LRFN2: variants seen among roughly 807,000 people sequenced by gnomAD.
LRFN2 encodes the protein leucine rich repeat and fibronectin type III domain containing 2.
In LRFN2, 18 loss-of-function variants were observed where a neutral mutation model predicts 37.3. The observed-to-expected ratio is 0.48, with a 90% CI of 0.33 to 0.72. LRFN2 has a LOEUF of 0.72. Ranked by LOEUF, LRFN2 falls within the 30% of genes least tolerant of loss-of-function variation. The pLI is 0.02. For synonymous variants in LRFN2, 556 were observed against 466.6 expected (o/e 1.19, Z -2.47); for missense variants, 1,006 against 1,060.7 (o/e 0.95, Z 0.72).
chr6:40,556,752 C>CAT (rs57030480), intron 1 of LRFN2, among the ~76,000 whole-genome samples: 1 of 110,636 alleles, frequency 9.0e-6, no homozygotes, highest in African/African-American at 3.6e-5. Context: ...CACACACACA[C>CAT]GCACACACTC....
chr6:40,417,916 T>C (rs1239773411), intron 2 of LRFN2, among the ~76,000 whole-genome samples: 1 of 152,174 alleles, frequency 6.6e-6, no homozygotes, highest in Non-Finnish European at 1.5e-5. Flanking sequence ...AACCATCCCG[T>C]AACTGGTCTC....
At chr6:40,528,178 T>C (rs1766288871) in intron 1 of LRFN2, among the ~76,000 whole-genome samples, 1 of 152,256 alleles carries the variant, frequency 6.6e-6, no homozygotes, top group Admixed American at 6.5e-5. Flanking sequence ...TTTTCTGTTG[T>C]CAACCTTTGA....
chr6:40,424,092 C>T (rs1454684748), intron 2 of LRFN2, among the ~76,000 whole-genome samples: 1 of 152,208 alleles, frequency 6.6e-6, no homozygotes, highest in Admixed American at 6.5e-5. Flanking sequence ...CCTCTAGCAA[C>T]TTTGTCACTT....
intron 1 of LRFN2, among the ~76,000 whole-genome samples, chr6:40,435,048 TATATAG>T (rs1446582616): frequency 2.4e-3 from 170 of 71,094 alleles, no homozygotes; most frequent in Middle Eastern, 7.5e-3. Flanking sequence ...TATATATATA[TATATAG>T]AGAGAGAGAG....
chr6:40,550,339 G>A (rs1766748521), intron 1 of LRFN2, among the ~76,000 whole-genome samples: 1 of 151,936 alleles, frequency 6.6e-6, no homozygotes, highest in Non-Finnish European at 1.5e-5. Context: ...TATTGACTGG[G>A]AAGTGTACGG....
intron 1 of LRFN2, among the ~76,000 whole-genome samples, chr6:40,565,638 G>T (rs1393604822): frequency 6.6e-6 from 1 of 152,086 alleles, no homozygotes; most frequent in South Asian, 2.1e-4. Context: ...ATGGGGAAAG[G>T]ATTCCCTATT....
chr6:40,541,739 G>A (rs1199433626), intron 1 of LRFN2, among the ~76,000 whole-genome samples: 3 of 152,224 alleles, frequency 2.0e-5, no homozygotes, highest in Admixed American at 1.3e-4. Context: ...CCGTGGGAAT[G>A]TTCTCACTTG....
chr6:40,392,044 G>C lies in LRFN2; in HGVS notation c.2269C>G (p.Leu757Val). 6.2e-7 allele frequency: 1 copy of C among 1,614,028 alleles called. No homozygotes were observed. The highest frequency in any genetic ancestry group is 8.5e-7 in the Non-Finnish European group (1 of 1,179,988). The change falls in exon 3 of 3, where the codon CTC becomes GTC. Residue 757 changes from leucine (L) to valine (V), a missense_variant. By Grantham distance (32) the Leu-to-Val change is conservative (BLOSUM62 1). Around this residue, in one of 4 missense-constraint regions of LRFN2, gnomAD observed 398 missense variants for 327.6 expected, o/e 1.21. Coordinates refer to ENST00000338305, the MANE Select transcript of LRFN2 (RefSeq NM_020737.3). The surrounding 1 kb of genome is among the most constrained non-coding windows in gnomAD (Gnocchi z 4.7). ...KVSNIWTKRS[L>V]SVNGMLLPFE... ...GGCAAGAGCATGCCGTTGACAGAGA[G>C]GCTGCGCTTCGTCCAGATGTTCGAG...
intron 1 of LRFN2, among the ~76,000 whole-genome samples, chr6:40,453,043 T>G (rs2113844177): frequency 6.6e-6 from 1 of 152,230 alleles, no homozygotes; most frequent in South Asian, 2.1e-4. Context: ...ATTGACAAAA[T>G]AGGTGACTCT....
intron 2 of LRFN2, among the ~76,000 whole-genome samples, chr6:40,430,939 G>A (rs949697349): frequency 1.3e-5 from 2 of 152,154 alleles, no homozygotes; most frequent in Admixed American, 6.5e-5. Context: ...CCAGGGGAAA[G>A]AGACTCCCTG....
Position 40,511,488 on chromosome 6 carries a change from ACTCT to A in LRFN2, c.-19+75449_-19+75452del, listed in dbSNP as rs142372381. ...AGTAGGGGCAGTGGGAGGGTAAGTA[ACTCT>A]CTCTAAGTCACAAACTGGTAAGCAG... On this transcript the variant is annotated intron_variant, in intron 1 of 2. Coordinates refer to ENST00000338305, the MANE Select transcript of LRFN2 (RefSeq NM_020737.3). Among the ~76,000 whole-genome samples the A allele has an allele frequency of 5.2e-3, 788 of 152,220 alleles. 4 individuals are homozygous for A. The highest frequency in any genetic ancestry group is 0.018 in the African/African-American group (751 of 41,528).
chr6:40,392,546 G>T lies in LRFN2; in HGVS notation c.1767C>A (p.Ser589Arg). The change falls in exon 3 of 3, where the codon AGC becomes AGA. Residue 589 changes from serine to arginine, a missense_variant. Coordinates refer to ENST00000338305, the MANE Select transcript of LRFN2 (RefSeq NM_020737.3). The surrounding 1 kb of genome is among the most constrained non-coding windows in gnomAD (Gnocchi z 4.7). Reference protein sequence around the residue: ...TNGAQPPPPSSAPAGAPPQGP... With the variant: ...TNGAQPPPPSRAPAGAPPQGP... The stretch of plus-strand genomic sequence containing the variant: ...CCTGCGGCGGGGCCCCGGCTGGTGC[G>T]CTGCTTGGAGGCGGTGGCTGGGCGC... The T allele has an allele frequency of 1.3e-6, 2 of 1,586,382 alleles. No homozygotes were observed. The highest frequency in any genetic ancestry group is 2.3e-5 in the East Asian group (1 of 43,182).
chr6:40,471,058 G>C (rs879592372), intron 1 of LRFN2, among the ~76,000 whole-genome samples: 1 of 152,170 alleles, frequency 6.6e-6, no homozygotes, highest in Non-Finnish European at 1.5e-5. Flanking sequence ...ATAGGTGAGG[G>C]GCGTGGGGGG....
At chr6:40,419,702 C>A (rs1763177577) in intron 2 of LRFN2, among the ~76,000 whole-genome samples, 1 of 152,110 alleles carries the variant, frequency 6.6e-6, no homozygotes, top group Non-Finnish European at 1.5e-5. Context: ...ATTGGTTTCA[C>A]CCAAAACAGC....
At chr6:40,486,044 C>T (rs1329443405) in intron 1 of LRFN2, among the ~76,000 whole-genome samples, 2 of 152,232 alleles carry the variant, frequency 1.3e-5, no homozygotes, top group African/African-American at 4.8e-5. Context: ...CCCCTCCCTC[C>T]TGCGGGGCGA....
In LRFN2 at chr6:40,392,205, G is replaced by A. The variant is rs773659615; in HGVS notation, c.2108C>T (p.Ala703Val). 12 of 1,570,344 alleles carry A rather than the reference G, an allele frequency of 7.6e-6. No homozygotes were observed. The highest frequency in any genetic ancestry group is 5.5e-5 in the Admixed American group (3 of 54,922). ...SDREPLLGPP[A>V]ARARSLLPLP... ...GGGGAGCAGGCTCCTGGCCCGGGCCGCAGGGGGCCCCAGCAGTGGCTCTCG... is the reference window on the plus strand; with the variant it reads ...GGGGAGCAGGCTCCTGGCCCGGGCCACAGGGGGCCCCAGCAGTGGCTCTCG... The change falls in exon 3 of 3, where the codon GCG becomes GTG. Residue 703 changes from alanine (A) to valine (V), a missense_variant. Around this residue, in one of 4 missense-constraint regions of LRFN2, gnomAD observed 398 missense variants for 327.6 expected, o/e 1.21. Transcript: ENST00000338305. The surrounding 1 kb of genome is among the most constrained non-coding windows in gnomAD (Gnocchi z 4.7).
intron 1 of LRFN2, among the ~76,000 whole-genome samples, chr6:40,557,457 A>G (rs1160889946): frequency 4.6e-5 from 7 of 152,200 alleles, no homozygotes; most frequent in Non-Finnish European, 8.8e-5. Context: ...GATAAGACCT[A>G]CAGGCACAGT....
At chr6:40,582,283 C>T (rs944071388) in intron 1 of LRFN2, among the ~76,000 whole-genome samples, 2 of 151,948 alleles carry the variant, frequency 1.3e-5, no homozygotes, top group African/African-American at 4.8e-5. Flanking sequence ...TGTAGCTTAG[C>T]TCCTGCTGGT....
At chr6:40,505,692 G>T (rs1765512954) in intron 1 of LRFN2, among the ~76,000 whole-genome samples, 1 of 152,170 alleles carries the variant, frequency 6.6e-6, no homozygotes, top group African/African-American at 2.4e-5. Context: ...GGTAGCCTAG[G>T]GCAGGGGCCT....
Sources: allele counts gnomAD v4.1 joint callset (sites outside exome capture counted in the v4.1 genomes callset), GRCh38; gene constraint gnomAD v4.1.1; regional missense constraint gnomAD v4.1.1; non-coding constraint Gnocchi (gnomAD v3.1); transcripts MANE v1.5; gene names NCBI Gene and HGNC (gene_info 2026-07-23, HGNC 2026-07-21).